The following ST6GALNAC3 variants were observed in gnomAD, a reference collection of about 807,000 sequenced individuals.
The protein encoded by ST6GALNAC3 is ST6 N-acetylgalactosaminide alpha-2,6-sialyltransferase 3.
Under a neutral mutation model 32.7 loss-of-function variants are expected in ST6GALNAC3, and 25 were observed. That is an observed-to-expected ratio of 0.76 (90% confidence interval 0.56 to 1.07). ST6GALNAC3 has a LOEUF of 1.07. Ranked by LOEUF, ST6GALNAC3 falls within the 50% of genes least tolerant of loss-of-function variation. ST6GALNAC3 has a pLI of 0.00. For synonymous variants in ST6GALNAC3, 129 were observed against 133.1 expected (o/e 0.97, Z 0.21); for missense variants, 355 against 382.4 (o/e 0.93, Z 0.60).
chr1:76,201,069 GA>G (rs1210820311), intron 1 of ST6GALNAC3, among the ~76,000 whole-genome samples: 1 of 151,906 alleles, frequency 6.6e-6, no homozygotes, highest in Non-Finnish European at 1.5e-5. Flanking sequence ...AAAAAAGAAG[GA>G]AAAAAGGCCA....
rs879418010 is a variant in ST6GALNAC3 at position 76,249,943 on chromosome 1, GTTGT to G, written c.19-63857_19-63854del. Among the ~76,000 whole-genome samples the G allele has an allele frequency of 1.2e-4, 19 of 152,178 alleles. 1 individual carries two copies. Among genetic ancestry groups the G allele is most frequent in the Admixed American group, 3.9e-4 (6 of 15,284 alleles). On this transcript the variant is annotated intron_variant, in intron 1 of 4. Transcript: ENST00000328299. ...ATTCACATTCTTTGTTCATTTTTGA[GTTGT>G]TTGTCTTTTTTAATTGTTGAGTTGT...
At chr1:76,150,285 G>A (rs369037397) in intron 1 of ST6GALNAC3, among the ~76,000 whole-genome samples, 5 of 152,254 alleles carry the variant, frequency 3.3e-5, no homozygotes, top group African/African-American at 9.6e-5. Flanking sequence ...AGCAGGCTTC[G>A]TTCAAGTTGA....
chr1:76,305,355 A>G (rs575714250), intron 1 of ST6GALNAC3, among the ~76,000 whole-genome samples: 1 of 152,186 alleles, frequency 6.6e-6, no homozygotes, highest in African/African-American at 2.4e-5. Flanking sequence ...GATATAGTAA[A>G]AGAAATATAT....
chr1:76,370,842 A>T (rs1412143722), intron 2 of ST6GALNAC3, among the ~76,000 whole-genome samples: 1 of 152,018 alleles, frequency 6.6e-6, no homozygotes, highest in Non-Finnish European at 1.5e-5. Flanking sequence ...CTACCCATTC[A>T]CATGTCCATC....
At chr1:76,237,241 C>T (rs1431927794) in intron 1 of ST6GALNAC3, among the ~76,000 whole-genome samples, 1 of 152,154 alleles carries the variant, frequency 6.6e-6, no homozygotes, top group East Asian at 1.9e-4. Flanking sequence ...TCAAGGGATT[C>T]TCCTGCCTCA....
chr1:76,279,949 G>C (rs1348269635), intron 1 of ST6GALNAC3, among the ~76,000 whole-genome samples: 5 of 150,604 alleles, frequency 3.3e-5, no homozygotes, highest in Non-Finnish European at 5.9e-5. Context: ...GGGAGAAAGT[G>C]GGGTGCTTGC....
chr1:76,596,745 T>C (rs994075607), intron 3 of ST6GALNAC3, among the ~76,000 whole-genome samples: 3 of 152,184 alleles, frequency 2.0e-5, no homozygotes, highest in African/African-American at 7.2e-5. Context: ...ACATTTCCTA[T>C]GTCAGAACAT....
intron 1 of ST6GALNAC3, among the ~76,000 whole-genome samples, chr1:76,157,682 G>T (rs2100361132): frequency 6.6e-6 from 1 of 152,080 alleles, no homozygotes; most frequent in East Asian, 1.9e-4. Flanking sequence ...GTTAAGATTT[G>T]CCCTTTGTGC....
intron 1 of ST6GALNAC3, among the ~76,000 whole-genome samples, chr1:76,251,913 A>T (rs1352797030): frequency 6.6e-6 from 1 of 152,128 alleles, no homozygotes; most frequent in Non-Finnish European, 1.5e-5. Context: ...GGGCCTAAGG[A>T]AGGAATTTGC....
At chr1:76,265,460 CT>C (rs1658475339) in intron 1 of ST6GALNAC3, among the ~76,000 whole-genome samples, 1 of 152,122 alleles carries the variant, frequency 6.6e-6, no homozygotes, top group Admixed American at 6.5e-5. Flanking sequence ...TGCTATTTCC[CT>C]TCCCCTCCAT....
chr1:76,245,530 G>C (rs1021908380), intron 1 of ST6GALNAC3, among the ~76,000 whole-genome samples: 1 of 151,884 alleles, frequency 6.6e-6, no homozygotes, highest in Non-Finnish European at 1.5e-5. Context: ...TTAGGGTATA[G>C]CTTTGAGGCC....
chr1:76,502,708 G>A (rs1032283564), intron 3 of ST6GALNAC3, among the ~76,000 whole-genome samples: 1 of 152,148 alleles, frequency 6.6e-6, no homozygotes, highest in African/African-American at 2.4e-5. Context: ...TGGGGGGTAA[G>A]TATTTAGACG....
At chr1:76,595,803 G>A (rs955730682) in intron 3 of ST6GALNAC3, among the ~76,000 whole-genome samples, 1 of 152,026 alleles carries the variant, frequency 6.6e-6, no homozygotes, top group Non-Finnish European at 1.5e-5. Flanking sequence ...TTCTTTTTAA[G>A]GATATATAGA....
intron 1 of ST6GALNAC3, among the ~76,000 whole-genome samples, chr1:76,230,564 T>C (rs961426731): frequency 6.6e-6 from 1 of 152,208 alleles, no homozygotes; most frequent in Non-Finnish European, 1.5e-5. Flanking sequence ...GTCTACTGAA[T>C]TGAATCAATT....
chr1:76,624,732 TG>T (rs1286738803), intron 3 of ST6GALNAC3, among the ~76,000 whole-genome samples: 1 of 151,882 alleles, frequency 6.6e-6, no homozygotes, highest in Non-Finnish European at 1.5e-5. Context: ...ACACCTTCCA[TG>T]AGTGGCAGTG....
chr1:76,425,731 A>G (rs1158726142), intron 3 of ST6GALNAC3, among the ~76,000 whole-genome samples: 2 of 152,064 alleles, frequency 1.3e-5, no homozygotes, highest in African/African-American at 4.8e-5. Context: ...ACCAAATCTC[A>G]AAGTGAACTA....
At chr1:76,515,238 A>C (rs2101769778) in intron 3 of ST6GALNAC3, among the ~76,000 whole-genome samples, 1 of 152,254 alleles carries the variant, frequency 6.6e-6, no homozygotes, top group South Asian at 2.1e-4. Context: ...TTCATAATTT[A>C]ATCTTACAAT....
In ST6GALNAC3 at chr1:76,110,009, A is replaced by C. The variant is rs188457116; in HGVS notation, c.18+35125A>C. On this transcript the variant is annotated intron_variant, in intron 1 of 4. Transcript: ENST00000328299. ...AAGAAAGCCTTTGAGAGGATCAGGC[A>C]GTGAGCTGAGAATTATCACTGAAGT... Among the ~76,000 whole-genome samples, 376 of 152,370 alleles carry C rather than the reference A, an allele frequency of 2.5e-3. 3 individuals are homozygous for C. The highest frequency in any genetic ancestry group is 8.8e-3 in the African/African-American group (366 of 41,586).
chr1:76,246,104 A>T (rs1657241981), intron 1 of ST6GALNAC3, among the ~76,000 whole-genome samples: 1 of 152,190 alleles, frequency 6.6e-6, no homozygotes, highest in East Asian at 1.9e-4. Flanking sequence ...TGTTGGGTGC[A>T]TGTATATTTA....
Sources: gnomAD v4.1 joint callset for allele counts (sites outside exome capture counted in the v4.1 genomes callset) on GRCh38, gnomAD v4.1.1 for gene constraint, MANE v1.5 for transcripts, NCBI Gene and HGNC (gene_info 2026-07-23, HGNC 2026-07-21) for gene names.